Variants in UBE2U observed in about 807,000 individuals in gnomAD.
The protein encoded by UBE2U is ubiquitin-conjugating enzyme E2 U.
Under a neutral mutation model 41.2 loss-of-function variants are expected in UBE2U, and 39 were observed. That is an observed-to-expected ratio of 0.95 (90% confidence interval 0.73 to 1.24). UBE2U has a LOEUF of 1.24. UBE2U is among the 50% of genes most tolerant of loss of function. UBE2U has a pLI of 0.00. For missense variants in UBE2U, 336 were observed against 363.1 expected, an observed-to-expected ratio of 0.93 and a Z score of 0.61; for synonymous variants, 107 against 117.8, an observed-to-expected ratio of 0.91 and a Z score of 0.60.
At chr1:64,232,416 A>G in intron 6 of UBE2U, 145 bp from the exon 7 acceptor site, 1 of 536,598 alleles carries the variant, frequency 1.9e-6, no homozygotes, top group Non-Finnish European at 3.3e-6. Flanking sequence ...ATTGGATACA[A>G]TTGTTAAAAA....
intron 4 of UBE2U, among the ~76,000 whole-genome samples, chr1:64,212,765 A>G (rs1651738161): frequency 6.6e-6 from 1 of 152,146 alleles, no homozygotes; most frequent in Admixed American, 6.5e-5. Flanking sequence ...GTCCTCAAAA[A>G]GTTTTGAATT....
At chr1:64,232,532 C>T in intron 6 of UBE2U, 29 bp from the exon 7 acceptor site, 1 of 1,543,850 alleles carries the variant, frequency 6.5e-7, no homozygotes, top group Non-Finnish European at 8.9e-7. Flanking sequence ...ACAAACTGCC[C>T]ATCGTCTGAT....
At chr1:64,214,672 C>T (rs1651872442) in intron 4 of UBE2U, 143 bp from the exon 5 acceptor site, 2 of 632,462 alleles carry the variant, frequency 3.2e-6, no homozygotes, top group Non-Finnish European at 5.6e-6. Context: ...GACTATGTCT[C>T]ATGTTATTTT....
chr1:64,204,405 C>T (rs2100227124), intron 1 of UBE2U, among the ~76,000 whole-genome samples: 1 of 152,226 alleles, frequency 6.6e-6, no homozygotes, highest in South Asian at 2.1e-4. Context: ...CTAGTAGGTG[C>T]AGGCTTATGC....
chr1:64,265,333 T>C (rs1391995388), intron 9 of UBE2U, among the ~76,000 whole-genome samples: 1 of 152,200 alleles, frequency 6.6e-6, no homozygotes, highest in African/African-American at 2.4e-5. Context: ...ATATTTCTTG[T>C]AATCAAAAGC....
At chr1:64,204,418 A>T (rs913840505) in intron 1 of UBE2U, among the ~76,000 whole-genome samples, 1 of 152,194 alleles carries the variant, frequency 6.6e-6, no homozygotes, top group Non-Finnish European at 1.5e-5. Flanking sequence ...GCTTATGCTC[A>T]TTAATTATAA....
At chr1:64,211,869 C>G (rs1651682681) in intron 4 of UBE2U, among the ~76,000 whole-genome samples, 1 of 152,168 alleles carries the variant, frequency 6.6e-6, no homozygotes, top group Non-Finnish European at 1.5e-5. Flanking sequence ...ACCTACTTAT[C>G]ACCAATAATA....
chr1:64,216,869 T>C (rs903792), intron 5 of UBE2U, among the ~76,000 whole-genome samples: 28,768 of 152,182 alleles, frequency 0.19, 2,997 homozygotes, highest in Non-Finnish European at 0.24. Flanking sequence ...GACAGCCTCC[T>C]TTCCTTGTGG....
intron 8 of UBE2U, among the ~76,000 whole-genome samples, chr1:64,241,996 C>T (rs2100460349): frequency 6.6e-6 from 1 of 152,122 alleles, no homozygotes; most frequent in Non-Finnish European, 1.5e-5. Context: ...TAATATCCTT[C>T]CCATTATTTC....
At chr1:64,232,851 GAC>G (rs1644595575) in intron 7 of UBE2U, among the ~76,000 whole-genome samples, 1 of 151,802 alleles carries the variant, frequency 6.6e-6, no homozygotes, top group African/African-American at 2.4e-5. Flanking sequence ...TTGTCTTGGA[GAC>G]AGAGTCTAAC....
chr1:64,239,186 A>AGAGGAAGAAGAG (rs1557731595), intron 7 of UBE2U, among the ~76,000 whole-genome samples: 1 of 146,986 alleles, frequency 6.8e-6, no homozygotes, highest in African/African-American at 2.5e-5. Context: ...AAGAAGAAGA[A>AGAGGAAGAAGAG]GAAGAAAGCC....
At chr1:64,251,102 G>A (rs545412999) in intron 8 of UBE2U, among the ~76,000 whole-genome samples, 8 of 150,378 alleles carry the variant, frequency 5.3e-5, no homozygotes, top group Admixed American at 1.3e-4. Flanking sequence ...ATCCTTCCCC[G>A]CCCCCCCAAA....
chr1:64,244,162 G>A (rs779700606), intron 8 of UBE2U: 6 of 1,608,226 alleles, frequency 3.7e-6, no homozygotes, highest in Non-Finnish European at 5.1e-6. Flanking sequence ...CAGCATAGGG[G>A]AAGAGCATGA....
chr1:64,244,976 T>C (rs1437233922), intron 8 of UBE2U, among the ~76,000 whole-genome samples: 3 of 152,206 alleles, frequency 2.0e-5, no homozygotes, highest in African/African-American at 7.2e-5. Flanking sequence ...TAAGGTTCAT[T>C]CTAATGTAAA....
At chr1:64,233,221 A>T (rs1165769308) in intron 7 of UBE2U, among the ~76,000 whole-genome samples, 1 of 151,866 alleles carries the variant, frequency 6.6e-6, no homozygotes, top group Non-Finnish European at 1.5e-5. Flanking sequence ...GTTAGCCAGG[A>T]TGGTCTTGAT....
chr1:64,209,701 A>G (rs2100257753), intron 3 of UBE2U, among the ~76,000 whole-genome samples: 1 of 148,492 alleles, frequency 6.7e-6, no homozygotes. Context: ...CCCGCAAAAG[A>G]TGGCTATGTA....
intron 9 of UBE2U, among the ~76,000 whole-genome samples, chr1:64,263,166 T>G (rs1283195801): frequency 6.6e-6 from 1 of 152,134 alleles, no homozygotes; most frequent in Non-Finnish European, 1.5e-5. Context: ...TAGACTCCTT[T>G]CTGTCTACTC....
intron 3 of UBE2U, among the ~76,000 whole-genome samples, chr1:64,208,112 A>G (rs1651417020): frequency 6.6e-6 from 1 of 152,240 alleles, no homozygotes; most frequent in African/African-American, 2.4e-5. Flanking sequence ...ATATTCATAA[A>G]ATGTCAAAAT....
intron 8 of UBE2U, among the ~76,000 whole-genome samples, chr1:64,254,907 A>C (rs531022129): frequency 1.5e-4 from 23 of 152,308 alleles, no homozygotes; most frequent in African/African-American, 4.3e-4. Context: ...ATAGAAGACA[A>C]GAAATAACCA....
Sources: gnomAD v4.1 joint callset for allele counts (sites outside exome capture counted in the v4.1 genomes callset) on GRCh38, gnomAD v4.1.1 for gene constraint, MANE v1.5 for transcripts, NCBI Gene and HGNC (gene_info 2026-07-23, HGNC 2026-07-21) for gene names.